The following LRRTM4 variants were observed in gnomAD, a reference collection of about 807,000 sequenced individuals.
LRRTM4 encodes leucine rich repeat transmembrane neuronal 4.
In LRRTM4, 25 loss-of-function variants were observed where a neutral mutation model predicts 47.6. The ratio of observed to expected loss-of-function variants is 0.53; its 90% CI spans 0.38 to 0.73. The LOEUF is 0.73. LRRTM4 is among the 30% of genes least tolerant of loss of function. LRRTM4 has a pLI of 0.00. For missense variants in LRRTM4, 638 were observed against 713.4 expected, an observed-to-expected ratio of 0.89 and a Z score of 1.20; for synonymous variants, 311 against 269.5, an observed-to-expected ratio of 1.15 and a Z score of -1.51.
intron 3 of LRRTM4, among the ~76,000 whole-genome samples, chr2:77,472,922 T>C (rs1677246366): frequency 6.6e-6 from 1 of 152,164 alleles, no homozygotes; most frequent in African/African-American, 2.4e-5. Context: ...ATTAATCATC[T>C]TTTGCTCACA....
At chr2:76,920,850 C>T (rs1417186988) in intron 3 of LRRTM4, among the ~76,000 whole-genome samples, 2 of 152,038 alleles carry the variant, frequency 1.3e-5, no homozygotes, top group East Asian at 3.9e-4. Flanking sequence ...TTTACTGAAA[C>T]TATTTTTCCT....
intron 3 of LRRTM4, among the ~76,000 whole-genome samples, chr2:76,796,502 C>T (rs1468427622): frequency 3.8e-5 from 5 of 132,218 alleles, no homozygotes. Context: ...CAAGTGGGTC[C>T]CTGACCCCAG....
intron 3 of LRRTM4, among the ~76,000 whole-genome samples, chr2:77,067,276 A>T (rs1353655255): frequency 6.6e-6 from 1 of 152,178 alleles, no homozygotes; most frequent in African/African-American, 2.4e-5. Flanking sequence ...GAAAATCCTG[A>T]AAACTAAAGG....
chr2:77,026,281 A>AC (rs1391507162), intron 3 of LRRTM4, among the ~76,000 whole-genome samples: 8 of 152,056 alleles, frequency 5.3e-5, no homozygotes, highest in Non-Finnish European at 1.2e-4. Context: ...CCTCATGAAA[A>AC]CCCCAGAAGG....
intron 3 of LRRTM4, among the ~76,000 whole-genome samples, chr2:77,082,298 CTTATTT>C (rs1223206543): frequency 6.6e-6 from 1 of 151,904 alleles, no homozygotes; most frequent in Non-Finnish European, 1.5e-5. Context: ...TTTTTTTACT[CTTATTT>C]TATTTCTTGG....
intron 3 of LRRTM4, among the ~76,000 whole-genome samples, chr2:76,910,796 CTCTTA>C (rs1221749304): frequency 6.6e-6 from 1 of 152,156 alleles, no homozygotes; most frequent in Non-Finnish European, 1.5e-5. Flanking sequence ...CTTCCAGTTT[CTCTTA>C]TTTTTCTTTT....
rs115775632 is a variant in LRRTM4, at chr2:77,050,473, A to G, written c.1552-301557T>C. On this transcript the variant is annotated intron_variant, in intron 3 of 3. Transcript: ENST00000409884. The stretch of plus-strand genomic sequence containing the variant: ...CCATTTGGACTTGAAGCTTGAATCT[A>G]TGGAATCTAACTTTAAAGATCCACG... 3.9e-3 allele frequency among the ~76,000 whole-genome samples: 590 copies of G among 152,296 alleles called. 5 individuals are homozygous for G. The highest frequency in any genetic ancestry group is 0.013 in the African/African-American group (555 of 41,564).
chr2:77,171,576 C>T (rs1048882506), intron 3 of LRRTM4, among the ~76,000 whole-genome samples: 1 of 151,772 alleles, frequency 6.6e-6, no homozygotes, highest in Non-Finnish European at 1.5e-5. Flanking sequence ...GGCGACTGGC[C>T]TGGTTTATGT....
At chr2:77,160,574 G>A (rs1195733911) in intron 3 of LRRTM4, among the ~76,000 whole-genome samples, 1 of 152,052 alleles carries the variant, frequency 6.6e-6, no homozygotes, top group East Asian at 1.9e-4. Flanking sequence ...AAGCATGGAT[G>A]GATGCAATCC....
intron 3 of LRRTM4, among the ~76,000 whole-genome samples, chr2:77,425,335 C>T (rs1047183115): frequency 6.6e-6 from 1 of 152,166 alleles, no homozygotes; most frequent in African/African-American, 2.4e-5. Context: ...CCAAATGTCT[C>T]ATGATTATCA....
chr2:77,073,197 G>A (rs1680219013), intron 3 of LRRTM4, among the ~76,000 whole-genome samples: 1 of 151,134 alleles, frequency 6.6e-6, no homozygotes, highest in Non-Finnish European at 1.5e-5. Context: ...TCCCTAGTAT[G>A]TTATAGTTTA....
At chr2:77,419,899 T>A (rs1309773601) in intron 3 of LRRTM4, among the ~76,000 whole-genome samples, 1 of 152,050 alleles carries the variant, frequency 6.6e-6, no homozygotes, top group Non-Finnish European at 1.5e-5. Flanking sequence ...AGAAACATGA[T>A]CGGTAAACAT....
intron 3 of LRRTM4, among the ~76,000 whole-genome samples, chr2:77,108,175 C>T (rs1394109281): frequency 6.6e-6 from 1 of 151,764 alleles, no homozygotes; most frequent in East Asian, 1.9e-4. Flanking sequence ...TGCAAGAGCT[C>T]AGATATTGCA....
chr2:77,403,665 G>A (rs920288148), intron 3 of LRRTM4, among the ~76,000 whole-genome samples: 5 of 151,586 alleles, frequency 3.3e-5, no homozygotes, highest in African/African-American at 9.7e-5. Context: ...AGCTAATTGA[G>A]GTGGGTCTTA....
intron 3 of LRRTM4, among the ~76,000 whole-genome samples, chr2:77,439,779 T>C (rs983473489): frequency 9.2e-5 from 14 of 152,134 alleles, no homozygotes; most frequent in Non-Finnish European, 1.9e-4. Context: ...TGGAAGCCAG[T>C]ATTGTGCCAT....
chr2:76,958,553 T>A lies in LRRTM4; in HGVS notation c.1552-209637A>T, dbSNP rs1332703203. On this transcript the variant is annotated intron_variant, in intron 3 of 3. Transcript: ENST00000409884. Reference sequence around the variant, plus strand: ...AAAAAGTAAACAGCATCCATTTCCATACAAGATCCTTTAGGTTCACAGTGA... The same window carrying A: ...AAAAAGTAAACAGCATCCATTTCCAAACAAGATCCTTTAGGTTCACAGTGA... Among the ~76,000 whole-genome samples, 3 of 151,742 alleles carry A rather than the reference T, an allele frequency of 2.0e-5. No individual in the cohort carries two copies. In the East Asian group the frequency reaches 5.8e-4, roughly 30 times the overall value.
In LRRTM4 at chr2:77,521,815, CA is replaced by C; in HGVS notation, c.-145del. 1 of 478,730 alleles carries C rather than the reference CA, an allele frequency of 2.1e-6. No homozygotes were observed. Among genetic ancestry groups the C allele is most frequent in the Non-Finnish European group, 3.5e-6 (1 of 282,674 alleles). 29.7% of individuals were successfully genotyped at this position (478,730 alleles called of 1,614,324 possible). A position where few individuals can be genotyped will look rare whatever the true frequency, so the allele number is the denominator to read the frequency against. On this transcript the variant is annotated splice_region_variant and 5_prime_UTR_variant, in exon 2 of 4. The change abolishes the stop of an existing upstream ORF in the 5' untranslated region. Transcript: ENST00000409884. ...CCGCATGTGAGCTAGTAGCCCCATACAAACTTCCCCGAGAGGACAGGCAAAA... is the reference window on the plus strand; with the variant it reads ...CCGCATGTGAGCTAGTAGCCCCATACAACTTCCCCGAGAGGACAGGCAAAA...
At chr2:76,773,589 G>A (rs1673810182) in intron 3 of LRRTM4, among the ~76,000 whole-genome samples, 1 of 151,454 alleles carries the variant, frequency 6.6e-6, no homozygotes, top group Non-Finnish European at 1.5e-5. Context: ...TTTAGATAAA[G>A]TGATTCAAAG....
chr2:76,814,506 A>T (rs919101402), intron 3 of LRRTM4, among the ~76,000 whole-genome samples: 4 of 152,172 alleles, frequency 2.6e-5, no homozygotes, highest in Non-Finnish European at 2.9e-5. Flanking sequence ...CAAAAATATT[A>T]AAAAAATAAA....
Sources: gnomAD v4.1 joint callset for allele counts (sites outside exome capture counted in the v4.1 genomes callset) on GRCh38, gnomAD v4.1.1 for gene constraint, MANE v1.5 for transcripts, NCBI Gene and HGNC (gene_info 2026-07-23, HGNC 2026-07-21) for gene names.